The following MCTP1 variants were observed in gnomAD, a reference collection of about 807,000 sequenced individuals.
MCTP1 encodes multiple C2 and transmembrane domain-containing protein 1.
In MCTP1, 69 loss-of-function variants were observed where a neutral mutation model predicts 120.6. The observed-to-expected ratio is 0.57, with a 90% CI of 0.47 to 0.70. MCTP1 has a LOEUF of 0.70. Among genes scored for constraint, MCTP1 ranks in the 30% least tolerant of loss-of-function variants. MCTP1 has a pLI of 0.00. For missense variants in MCTP1, 1,203 were observed against 1,248.8 expected (o/e 0.96, Z 0.55); for synonymous variants, 529 against 493.1 (o/e 1.07, Z -0.96).
At chr5:94,850,488 A>G (rs1185015752) in intron 17 of MCTP1, among the ~76,000 whole-genome samples, 1 of 152,154 alleles carries the variant, frequency 6.6e-6, no homozygotes, top group African/African-American at 2.4e-5. Flanking sequence ...GACATACAAG[A>G]CAATTAGCAT....
chr5:95,157,306 G>A (rs545644161), intron 1 of MCTP1, among the ~76,000 whole-genome samples: 9 of 152,138 alleles, frequency 5.9e-5, no homozygotes, highest in Non-Finnish European at 1.3e-4. Context: ...TGATAGAAGA[G>A]GGTACTGCTA....
intron 1 of MCTP1, among the ~76,000 whole-genome samples, chr5:95,268,230 A>C (rs1759063751): frequency 6.6e-6 from 1 of 152,268 alleles, no homozygotes; most frequent in Non-Finnish European, 1.5e-5. Context: ...CAAGGTATTA[A>C]CAAGATACTA....
chr5:95,155,632 T>C (rs1005961531), intron 1 of MCTP1, among the ~76,000 whole-genome samples: 10 of 152,196 alleles, frequency 6.6e-5, no homozygotes, highest in African/African-American at 2.4e-4. Flanking sequence ...TTTAATTATA[T>C]TCCAATATAG....
At chr5:94,737,277 G>A (rs1283406935) in intron 19 of MCTP1, among the ~76,000 whole-genome samples, 1 of 152,172 alleles carries the variant, frequency 6.6e-6, no homozygotes, top group East Asian at 1.9e-4. Context: ...CTTTTGCTGG[G>A]CCTCCTGGTG....
At chr5:95,221,184 T>C (rs1384919478) in intron 1 of MCTP1, among the ~76,000 whole-genome samples, 1 of 152,224 alleles carries the variant, frequency 6.6e-6, no homozygotes, top group African/African-American at 2.4e-5. Flanking sequence ...TAGGGATTGG[T>C]AGTCACATAA....
chr5:94,893,269 A>G (rs1803115089), intron 11 of MCTP1, among the ~76,000 whole-genome samples: 1 of 152,224 alleles, frequency 6.6e-6, no homozygotes, highest in Non-Finnish European at 1.5e-5. Flanking sequence ...TATACGGGAT[A>G]ATATCAAAAT....
intron 22 of MCTP1, 184 bp downstream of exon 22, chr5:94,708,328 G>GT (rs1177220775): frequency 6.5e-6 from 3 of 463,854 alleles, no homozygotes; most frequent in Non-Finnish European, 1.2e-5. Context: ...CCCATTCTCT[G>GT]TAAGTGCTTC....
chr5:95,197,234 A>G (rs1227030689), intron 1 of MCTP1, among the ~76,000 whole-genome samples: 2 of 152,242 alleles, frequency 1.3e-5, no homozygotes, highest in Admixed American at 1.3e-4. Context: ...CACAAAGCCA[A>G]CTTGTTAAGA....
At chr5:94,727,589 G>A (rs1762374163) in intron 19 of MCTP1, among the ~76,000 whole-genome samples, 1 of 152,210 alleles carries the variant, frequency 6.6e-6, no homozygotes, top group Non-Finnish European at 1.5e-5. Flanking sequence ...TCCATGATTT[G>A]TTTGTTTGCT....
intron 1 of MCTP1, among the ~76,000 whole-genome samples, chr5:95,115,039 A>G (rs752066652): frequency 1.3e-5 from 2 of 152,218 alleles, no homozygotes; most frequent in Non-Finnish European, 2.9e-5. Flanking sequence ...AGGTACTTCT[A>G]CAAGTCTTCA....
intron 2 of MCTP1, among the ~76,000 whole-genome samples, chr5:94,999,687 A>G (rs1455073670): frequency 6.6e-6 from 1 of 152,236 alleles, no homozygotes; most frequent in African/African-American, 2.4e-5. Context: ...ACACTTTTAA[A>G]AGTAATATTA....
chr5:95,207,987 GA>G (rs1751849109), intron 1 of MCTP1, among the ~76,000 whole-genome samples: 1 of 101,290 alleles, frequency 9.9e-6, no homozygotes, highest in Non-Finnish European at 2.4e-5. Flanking sequence ...GGGAGAGAGA[GA>G]GAAAGAGAGG....
chr5:95,275,734 A>G (rs1004349347), intron 1 of MCTP1, among the ~76,000 whole-genome samples: 3 of 152,120 alleles, frequency 2.0e-5, no homozygotes, highest in African/African-American at 7.2e-5. Context: ...GCCCATCTCA[A>G]TTCTAACTAG....
chr5:95,107,880 T>C lies in MCTP1; in HGVS notation c.721-90396A>G, dbSNP rs552011116. Among the ~76,000 whole-genome samples, 4 of 152,316 alleles carry C rather than the reference T, an allele frequency of 2.6e-5. No individual in the cohort carries two copies. In the South Asian group the frequency reaches 6.2e-4, roughly 24 times the overall value. ...TTTTTATTTTAAGTTCCAGGATACATGTCCAGGATGTGCAGGTTTGTTACA... is the reference window on the plus strand; with the variant it reads ...TTTTTATTTTAAGTTCCAGGATACACGTCCAGGATGTGCAGGTTTGTTACA... On this transcript the variant is annotated intron_variant, in intron 1 of 22. Coordinates refer to ENST00000515393, the MANE Select transcript of MCTP1 (RefSeq NM_024717.7).
intron 3 of MCTP1, among the ~76,000 whole-genome samples, chr5:94,944,661 A>C (rs970370695): frequency 1.3e-5 from 2 of 152,198 alleles, no homozygotes; most frequent in Non-Finnish European, 2.9e-5. Flanking sequence ...TCTCCTAGTG[A>C]GAGTCTTTCC....
At position 94,916,906 on chromosome 5, in the gene MCTP1, C is replaced by T. The variant is rs159026; in HGVS notation, c.1350+990G>A. On this transcript the variant is annotated intron_variant, in intron 8 of 22. Transcript: ENST00000515393. ...TGCTTTGAAAGTTATGTGGTGCATG[C>T]GCACTGGCTTCTCTTTGTTCTAATA... is the stretch of plus-strand genomic sequence containing the variant. Among the ~76,000 whole-genome samples, 859 of 152,318 alleles carry T rather than the reference C, an allele frequency of 5.6e-3. 12 individuals carry two copies. The highest frequency in any genetic ancestry group is 0.056 in the East Asian group (292 of 5,186).
Position 95,284,716 on chromosome 5 carries a change from C to A in MCTP1, c.-141G>T. The A allele has an allele frequency of 4.6e-6, 3 of 654,814 alleles. 1 individual carries two copies. In the South Asian group the frequency reaches 7.3e-5, roughly 16 times the overall value. The allele number at this position is 654,814 out of a possible 1,614,324, so 40.6% of individuals were successfully genotyped here. A position where few individuals can be genotyped will look rare whatever the true frequency, so the allele number is the denominator to read the frequency against. ...CGGCGGCGGGCGCAGCAGCAGAAAC[C>A]GGGAGTGCCCAGCGACTTCAGGCCA... is the stretch of plus-strand genomic sequence containing the variant. On this transcript the variant is annotated 5_prime_UTR_variant, in exon 1 of 23. Transcript: ENST00000515393. The surrounding 1 kb of genome is among the most constrained non-coding windows in gnomAD (Gnocchi z 5.2).
intron 2 of MCTP1, among the ~76,000 whole-genome samples, chr5:95,014,607 T>C (rs999053129): frequency 3.3e-5 from 5 of 152,114 alleles, no homozygotes; most frequent in African/African-American, 1.2e-4. Flanking sequence ...TATTTACCAG[T>C]TTTTACTTAA....
chr5:95,051,323 C>A (rs1232231979), intron 1 of MCTP1, among the ~76,000 whole-genome samples: 3 of 152,134 alleles, frequency 2.0e-5, no homozygotes, highest in Non-Finnish European at 4.4e-5. Context: ...ACTCAGTATT[C>A]CATATGCCCA....
Sources: gnomAD v4.1 joint callset for allele counts (sites outside exome capture counted in the v4.1 genomes callset) on GRCh38, gnomAD v4.1.1 for gene constraint, Gnocchi (gnomAD v3.1) non-coding constraint, MANE v1.5 for transcripts, NCBI Gene and HGNC (gene_info 2026-07-23, HGNC 2026-07-21) for gene names.